Variants in WBP2NL observed in about 807,000 individuals in gnomAD.
WBP2NL encodes WBP2 N-terminal like, also known as postacrosomal sheath WW domain-binding protein.
In WBP2NL, 27 loss-of-function variants were observed where a neutral mutation model predicts 23.3. The observed-to-expected ratio is 1.16, with a 90% CI of 0.85 to 1.60. WBP2NL has a LOEUF of 1.60. Ranked by LOEUF, WBP2NL falls within the 40% of genes most tolerant of loss-of-function variation. The probability of loss-of-function intolerance (pLI) is 0.00; values close to 1 mark genes in which losing one functional copy is unlikely to be tolerated. For missense variants in WBP2NL, 370 were observed against 389.5 expected, an observed-to-expected ratio of 0.95 and a Z score of 0.42; for synonymous variants, 151 against 145.9, an observed-to-expected ratio of 1.03 and a Z score of -0.25.
At chr22:42,025,082 T>C (rs925310726) in intron 5 of WBP2NL, among the ~76,000 whole-genome samples, 3 of 152,230 alleles carry the variant, frequency 2.0e-5, no homozygotes, top group Non-Finnish European at 4.4e-5. Context: ...TGTGAACAAC[T>C]GTGCCCAGGC....
At chr22:42,039,149 G>A (rs1602476743) in intron 8 of WBP2NL, among the ~76,000 whole-genome samples, 3 of 151,276 alleles carry the variant, frequency 2.0e-5, no homozygotes, top group Admixed American at 1.3e-4. Flanking sequence ...TCGGCTCACT[G>A]CAATTTCCGT....
chr22:42,053,042 C>G (rs959338740), intron 8 of WBP2NL, among the ~76,000 whole-genome samples: 2 of 152,194 alleles, frequency 1.3e-5, no homozygotes, highest in African/African-American at 4.8e-5. Context: ...TACTTTTTGT[C>G]TCTGTAGGTT....
rs193145346 is a variant in WBP2NL at position 42,056,864 on chromosome 22, C to A, written c.*274-1426C>A. ...CTTTGTGACAAACAATCCAATTATA[C>A]TTAGTTATTTTTAAATGTACCCATT... On this transcript the variant is annotated intron_variant and NMD_transcript_variant, in intron 8 of 8. Coordinates refer to the WBP2NL transcript ENST00000436265. 1.2e-3 allele frequency among the ~76,000 whole-genome samples: 187 copies of A among 152,174 alleles called. 1 individual carries two copies. Among genetic ancestry groups the A allele is most frequent in the Non-Finnish European group, 1.9e-4 (13 of 67,982 alleles).
At chr22:42,022,202 C>T in intron 4 of WBP2NL, 47 bp from the exon 5 acceptor site, 2 of 1,454,680 alleles carry the variant, frequency 1.4e-6, no homozygotes, top group Non-Finnish European at 1.9e-6. Context: ...TGCTATATAT[C>T]TGACTTAATT....
intron 1 of WBP2NL, among the ~76,000 whole-genome samples, chr22:42,018,100 G>A (rs898500331): frequency 6.0e-5 from 9 of 149,160 alleles, no homozygotes; most frequent in African/African-American, 2.0e-4. Context: ...AGTGAGCCGA[G>A]ATCGAGCCAT....
chr22:42,020,429 G>A (rs549193417), intron 4 of WBP2NL, among the ~76,000 whole-genome samples: 123 of 152,142 alleles, frequency 8.1e-4, no homozygotes, highest in Non-Finnish European at 1.3e-3. Flanking sequence ...GTTGGTATTC[G>A]CACACATATT....
chr22:42,011,280 A>T (rs141204400), intron 1 of WBP2NL, among the ~76,000 whole-genome samples: 38 of 151,980 alleles, frequency 2.5e-4, no homozygotes, highest in African/African-American at 9.2e-4. Context: ...ACAGGTTCTC[A>T]CTCTGTCACC....
chr22:42,025,267 T>C (rs1924374909), intron 5 of WBP2NL, among the ~76,000 whole-genome samples: 1 of 152,268 alleles, frequency 6.6e-6, no homozygotes, highest in Non-Finnish European at 1.5e-5. Flanking sequence ...ATATCAAGCT[T>C]GTCCAACCCA....
chr22:42,003,559 C>T (rs537968468), intron 1 of WBP2NL: 2 of 151,136 alleles, frequency 1.3e-5, no homozygotes, highest in South Asian at 2.1e-4. Flanking sequence ...AAGAAAAATC[C>T]GAATAAAGCA....
downstream of WBP2NL, chr22:42,033,002 G>A (rs1388473868): frequency 5.6e-6 from 1 of 179,990 alleles, no homozygotes; most frequent in Non-Finnish European, 1.2e-5. Context: ...CTCTGCCCAA[G>A]TATTGCTTGG....
intron 1 of WBP2NL, among the ~76,000 whole-genome samples, chr22:42,016,140 C>A (rs1215775488): frequency 6.6e-6 from 1 of 151,966 alleles, no homozygotes; most frequent in Admixed American, 6.6e-5. Context: ...TGCCACCAGG[C>A]CCAGCTAATT....
chr22:42,057,299 TCTA>T (rs1445263610), intron 8 of WBP2NL, among the ~76,000 whole-genome samples: 1 of 152,204 alleles, frequency 6.6e-6, no homozygotes, highest in East Asian at 1.9e-4. Flanking sequence ...TTCTGTCAAA[TCTA>T]CTATTATTAA....
At position 41,998,888 on chromosome 22, in the gene WBP2NL, A is replaced by AG; in HGVS notation, c.62+12dup. On this transcript the variant is annotated intron_variant, in intron 1 of 5. Transcript: ENST00000328823. ...CATCCCTAACGGTGAAAGGTGCCTGAGGGGAAGCACGGCGTGCTGTCGGAG... is the reference window on the plus strand; with the variant it reads ...CATCCCTAACGGTGAAAGGTGCCTGAGGGGGAAGCACGGCGTGCTGTCGGAG... 1 of 1,607,366 alleles carries AG rather than the reference A, an allele frequency of 6.2e-7. No homozygotes were observed. Among genetic ancestry groups the AG allele is most frequent in the South Asian group, 1.1e-5 (1 of 90,646 alleles).
At chr22:42,001,577 A>G in intron 1 of WBP2NL, 1 of 1,135,314 alleles carries the variant, frequency 8.8e-7, no homozygotes, top group Admixed American at 1.7e-5. Context: ...AAGAGGGTAC[A>G]CAAAACACAA....
intron 1 of WBP2NL, among the ~76,000 whole-genome samples, chr22:42,015,338 G>C (rs1383093551): frequency 1.3e-5 from 2 of 152,160 alleles, no homozygotes; most frequent in African/African-American, 4.8e-5. Context: ...GTTGGAGCAT[G>C]AGCGTGCCTT....
At chr22:42,039,404 G>C (rs571625718) in intron 8 of WBP2NL, among the ~76,000 whole-genome samples, 1 of 148,354 alleles carries the variant, frequency 6.7e-6, no homozygotes, top group African/African-American at 2.5e-5. Context: ...TGTTGCCTAG[G>C]CTGGTCTCAA....
At chr22:42,029,652 A>C (rs965645471), downstream of WBP2NL, among the ~76,000 whole-genome samples, 3 of 152,226 alleles carry the variant, frequency 2.0e-5, no homozygotes, top group Non-Finnish European at 4.4e-5. Context: ...GATTACAGGC[A>C]TGAGCCACTG....
At chr22:42,005,347 C>G (rs1199003318) in intron 1 of WBP2NL, among the ~76,000 whole-genome samples, 1 of 152,130 alleles carries the variant, frequency 6.6e-6, no homozygotes, top group African/African-American at 2.4e-5. Context: ...AACCCCATCT[C>G]TACTAAAAAT....
downstream of WBP2NL, chr22:42,032,937 T>C: frequency 5.1e-6 from 1 of 196,180 alleles, no homozygotes; most frequent in Non-Finnish European, 1.1e-5. Context: ...ATTAATATTA[T>C]GGTATCTTTG....
Sources: allele counts gnomAD v4.1 joint callset (sites outside exome capture counted in the v4.1 genomes callset), GRCh38; gene constraint gnomAD v4.1.1; transcripts MANE v1.5; gene names NCBI Gene and HGNC (gene_info 2026-07-23, HGNC 2026-07-21).